Variants in DPH6 observed in about 807,000 individuals in gnomAD.
The protein encoded by DPH6 is diphthine--ammonia ligase.
A neutral mutation model predicts 38.2 loss-of-function variants in DPH6; 33 were observed. The ratio of observed to expected loss-of-function variants is 0.86; its 90% CI spans 0.65 to 1.15. The LOEUF is 1.15. Ranked by LOEUF, DPH6 falls within the 50% of genes most tolerant of loss-of-function variation. The pLI is 0.00. For missense variants in DPH6, 325 were observed against 320.0 expected, an observed-to-expected ratio of 1.02 and a Z score of -0.12; for synonymous variants, 108 against 103.0, an observed-to-expected ratio of 1.05 and a Z score of -0.30.
At chr15:35,279,822 A>C (rs575910578) in intron 3 of DPH6, among the ~76,000 whole-genome samples, 131 of 152,236 alleles carry the variant, frequency 8.6e-4, no homozygotes, top group African/African-American at 3.0e-3. Flanking sequence ...CCCACCCCCC[A>C]AATTCATATG....
intron 1 of DPH6, among the ~76,000 whole-genome samples, chr15:35,544,594 T>C (rs2141578852): frequency 6.6e-6 from 1 of 152,324 alleles, no homozygotes; most frequent in East Asian, 1.9e-4. Context: ...TAATTATATA[T>C]AATGCATATA....
downstream of DPH6, among the ~76,000 whole-genome samples, chr15:35,212,659 C>A (rs913347120): frequency 6.6e-6 from 1 of 152,142 alleles, no homozygotes; most frequent in Non-Finnish European, 1.5e-5. Flanking sequence ...ATAAAGACAA[C>A]TGAAATAGTA....
At chr15:35,306,249 C>T (rs1310401458) in intron 3 of DPH6, among the ~76,000 whole-genome samples, 1 of 152,154 alleles carries the variant, frequency 6.6e-6, no homozygotes, top group African/African-American at 2.4e-5. Flanking sequence ...GTTTATAATA[C>T]AGTGTGTTTC....
At chr15:35,434,495 T>C (rs1160862524) in intron 5 of DPH6, among the ~76,000 whole-genome samples, 1 of 152,132 alleles carries the variant, frequency 6.6e-6, no homozygotes, top group Admixed American at 6.5e-5. Context: ...AAATAATTAA[T>C]TGATTATATC....
intron 3 of DPH6, among the ~76,000 whole-genome samples, chr15:35,524,720 G>A (rs1302752075): frequency 6.6e-6 from 1 of 152,112 alleles, no homozygotes; most frequent in African/African-American, 2.4e-5. Flanking sequence ...CAGTTATCTA[G>A]AAGATAGTGC....
intron 3 of DPH6, among the ~76,000 whole-genome samples, chr15:35,296,280 C>G (rs2052014268): frequency 6.6e-6 from 1 of 152,088 alleles, no homozygotes; most frequent in Non-Finnish European, 1.5e-5. Flanking sequence ...CACTGGTTGG[C>G]CTTGTCATCA....
the DPH6 span, among the ~76,000 whole-genome samples, chr15:35,204,283 T>C: frequency 6.6e-6 from 1 of 151,822 alleles, no homozygotes; most frequent in Non-Finnish European, 1.5e-5. Flanking sequence ...CAGATAAATT[T>C]GATTAAAGCA....
intron 7 of DPH6, among the ~76,000 whole-genome samples, chr15:35,378,573 A>G (rs764173341): frequency 6.6e-6 from 1 of 152,172 alleles, no homozygotes; most frequent in Admixed American, 6.5e-5. Flanking sequence ...CTTGGAACCA[A>G]CCTAAATGTC....
At chr15:35,450,922 G>C in intron 4 of DPH6, 119 bp from the exon 5 acceptor site, 1 of 769,684 alleles carries the variant, frequency 1.3e-6, no homozygotes, top group African/African-American at 1.8e-5. Context: ...CATTGAAAAT[G>C]CTTTTAAAAA....
At position 35,332,662 on chromosome 15, in the gene DPH6, T is replaced by G. The variant is rs1314970016; in HGVS notation, n.208-1585A>C. ...GTGACAAGGACAGTACTTAGTAATA[T>G]TCAATAATTAGTAATTTAGAATTAA... On this transcript the variant is annotated intron_variant and non_coding_transcript_variant, in intron 3 of 3. Coordinates refer to the DPH6 transcript ENST00000558973. Among the ~76,000 whole-genome samples, 3 of 152,122 alleles carry G rather than the reference T, an allele frequency of 2.0e-5. No individual in the cohort carries two copies. The East Asian group carries it at 5.8e-4, about 29-fold the overall frequency.
intron 3 of DPH6, among the ~76,000 whole-genome samples, chr15:35,230,398 T>C (rs1288655491): frequency 6.6e-6 from 1 of 152,084 alleles, no homozygotes; most frequent in Non-Finnish European, 1.5e-5. Context: ...CTGCCTGCCC[T>C]AGGACTCACC....
chr15:35,237,850 T>C, intron 3 of DPH6: 2 of 1,530,190 alleles, frequency 1.3e-6, no homozygotes, highest in Non-Finnish European at 1.8e-6. Flanking sequence ...AGGATGAGGA[T>C]GAGGAGGAGT....
In DPH6 at chr15:35,342,084, C is replaced by T. The variant is rs546357478; in HGVS notation, n.208-11007G>A. 2.0e-5 allele frequency among the ~76,000 whole-genome samples: 3 copies of T among 152,300 alleles called. No homozygotes were observed. The East Asian group carries it at 5.8e-4, about 29-fold the overall frequency. On this transcript the variant is annotated intron_variant and non_coding_transcript_variant, in intron 3 of 3. Transcript: ENST00000558973. The stretch of plus-strand genomic sequence containing the variant: ...TGGCTGGAATTGCAAGCCAGTGAGT[C>T]TTAACTTGTGAGGTGCTGTGGAAGT...
At chr15:35,437,404 A>C (rs190936337) in intron 5 of DPH6, among the ~76,000 whole-genome samples, 6 of 150,688 alleles carry the variant, frequency 4.0e-5, no homozygotes. Flanking sequence ...AAACTGGGAG[A>C]AGTTAATTTC....
intron 3 of DPH6, among the ~76,000 whole-genome samples, chr15:35,231,016 A>G (rs1387297624): frequency 2.0e-5 from 3 of 152,156 alleles, no homozygotes; most frequent in Admixed American, 2.0e-4. Flanking sequence ...CCCAGCTGGT[A>G]TCTCAGTAGG....
At chr15:35,493,169 G>A (rs1307605232) in intron 3 of DPH6, among the ~76,000 whole-genome samples, 1 of 151,572 alleles carries the variant, frequency 6.6e-6, no homozygotes. Flanking sequence ...GTCAGAAATT[G>A]AATTTATAGT....
rs1483993234 is a variant in DPH6 at position 35,459,274 on chromosome 15, GCTGTGTCTTCA to G, written c.313-4465_313-4455del. ...CTGCCTTGTAGATGATCGTCATCTT[GCTGTGTCTTCA>G]CATGGTTCCAGGGGTGGCAGGGAGA... On this transcript the variant is annotated intron_variant, in intron 3 of 8. Coordinates refer to ENST00000256538, the MANE Select transcript of DPH6 (RefSeq NM_080650.4). 8.5e-5 allele frequency among the ~76,000 whole-genome samples: 13 copies of G among 152,276 alleles called. No individual in the cohort carries two copies. The East Asian group carries it at 2.1e-3, about 25-fold the overall frequency.
chr15:35,166,656 G>A, the DPH6 span, among the ~76,000 whole-genome samples: 38 of 151,932 alleles, frequency 2.5e-4, no homozygotes, highest in South Asian at 4.1e-4. Context: ...GATGCTATTA[G>A]TGTAGTAAGA....
intron 3 of DPH6, among the ~76,000 whole-genome samples, chr15:35,315,323 C>A (rs538077445): frequency 6.6e-6 from 1 of 152,296 alleles, no homozygotes; most frequent in Non-Finnish European, 1.5e-5. Flanking sequence ...TTTGTTGAAT[C>A]CTAAAGCACA....
Sources: allele counts gnomAD v4.1 joint callset (sites outside exome capture counted in the v4.1 genomes callset), GRCh38; gene constraint gnomAD v4.1.1; transcripts MANE v1.5; gene names NCBI Gene and HGNC (gene_info 2026-07-23, HGNC 2026-07-21).